The following OFD1 variants were observed in gnomAD, a reference collection of about 807,000 sequenced individuals.
OFD1 encodes the protein OFD1 centriole and centriolar satellite protein.
In OFD1, 12 loss-of-function variants were observed where a neutral mutation model predicts 81.4. That is an observed-to-expected ratio of 0.15 (90% CI 0.09 to 0.24). OFD1 has a LOEUF of 0.24. Among genes scored for constraint, OFD1 ranks in the 10% least tolerant of loss-of-function variants. The pLI is 1.00. For synonymous variants in OFD1, 256 were observed against 263.7 expected (o/e 0.97, Z 0.28); for missense variants, 685 against 733.9 (o/e 0.93, Z 0.77).
In OFD1 at chrX:13,768,557, C is replaced by T. The variant is rs771496877; in HGVS notation, c.2929-161C>T. Among the ~76,000 whole-genome samples, 4 of 111,196 alleles carry T rather than the reference C, an allele frequency of 3.6e-5. No homozygotes were observed. The South Asian group carries it at 1.5e-3, about 42-fold the overall frequency. On this transcript the variant is annotated intron_variant, in intron 21 of 22. Transcript: ENST00000340096. ...AGTATTATGGGTGTTAAATGCATAC[C>T]CTATAGTTTATTTTGATGTGCTTGC...
At chrX:13,738,322 A>G (rs1346546511) in intron 3 of OFD1, among the ~76,000 whole-genome samples, 1 of 113,026 alleles carries the variant, frequency 8.8e-6, no homozygotes, top group Non-Finnish European at 1.9e-5. Flanking sequence ...AAGGAAAACC[A>G]ATTGAAAACA....
At chrX:13,745,903 G>A (rs925315010) in intron 6 of OFD1, among the ~76,000 whole-genome samples, 13 of 112,217 alleles carry the variant, frequency 1.2e-4, no homozygotes, top group African/African-American at 4.2e-4. Flanking sequence ...TAAAGTTATT[G>A]TTTTGAATAT....
chrX:13,745,620 T>C (rs773491426), intron 6 of OFD1, among the ~76,000 whole-genome samples: 9 of 112,088 alleles, frequency 8.0e-5, no homozygotes, highest in Non-Finnish European at 1.7e-4. Flanking sequence ...TATCGATGTT[T>C]TAATCTACTT....
intron 6 of OFD1, among the ~76,000 whole-genome samples, 174 bp downstream of exon 6, chrX:13,744,693 TGTCATTCCCTAGCCTCATGAATGCCAGGG>T (rs2047227366): frequency 8.9e-6 from 1 of 112,070 alleles, no homozygotes; most frequent in African/African-American, 3.2e-5. Flanking sequence ...TGCTCTCCAG[TGTCATTCCCTAGCCTCATGAATGCCAGGG>T]CTACACTGGC....
At chrX:13,716,180 A>G in the OFD1 span, 2 of 962,730 alleles carry the variant, frequency 2.1e-6, no homozygotes, top group East Asian at 3.4e-5. Context: ...AGTCACATGC[A>G]GTGTATTTGT....
At position 13,760,262 on chromosome X, in the gene OFD1, C is replaced by T; in HGVS notation, c.1802C>T (p.Ala601Val). 1 of 1,211,630 alleles carries T rather than the reference C, an allele frequency of 8.3e-7. No individual in the cohort carries two copies. Among genetic ancestry groups the T allele is most frequent in the Non-Finnish European group, 1.1e-6 (1 of 895,409 alleles). Residue 601 changes from alanine to valine, a missense_variant, in exon 16 of 23, where the codon GCA becomes GTA. This residue lies in a region of OFD1 where 414 missense variants were observed against 447.2 expected (regional missense o/e 0.93). Coordinates refer to ENST00000340096, the MANE Select transcript of OFD1 (RefSeq NM_003611.3). Reference sequence around the variant, plus strand: ...CCTTTTAAACAGGAAAACGTTCTAGCACGTATGGTTGCATCAAGGATCACA... The same window carrying T: ...CCTTTTAAACAGGAAAACGTTCTAGTACGTATGGTTGCATCAAGGATCACA... ...NNPFKQENVL[A>V]RMVASRITNY...
At chrX:13,751,453 C>G in intron 10 of OFD1, 85 bp downstream of exon 10, 1 of 741,000 alleles carries the variant, frequency 1.3e-6, no homozygotes, top group Non-Finnish European at 2.0e-6. Flanking sequence ...TAGTCTGTAA[C>G]TTAGGCAAAC....
the OFD1 span, among the ~76,000 whole-genome samples, chrX:13,724,512 C>T: frequency 6.7e-3 from 744 of 111,317 alleles, 4 homozygotes; most frequent in African/African-American, 0.023. Context: ...TGGATGCTGA[C>T]CTGTTTAACT....
intron 11 of OFD1, among the ~76,000 whole-genome samples, chrX:13,753,958 T>G (rs1223524066): frequency 1.8e-5 from 2 of 112,077 alleles, no homozygotes; most frequent in Non-Finnish European, 3.8e-5. Context: ...AATTTTTCAA[T>G]CTTCAGATGT....
intron 5 of OFD1, among the ~76,000 whole-genome samples, chrX:13,742,109 A>G (rs1478129876): frequency 1.8e-5 from 2 of 112,442 alleles, no homozygotes; most frequent in Non-Finnish European, 3.8e-5. Flanking sequence ...TCTTATCTGC[A>G]ATTGGCAAAA....
Position 13,744,152 on chromosome X carries a change from G to A in OFD1, c.413-263G>A, listed in dbSNP as rs148137087. 4.0e-3 allele frequency among the ~76,000 whole-genome samples: 449 copies of A among 111,054 alleles called. 3 individuals are homozygous for A. Among genetic ancestry groups the A allele is most frequent in the African/African-American group, 0.014 (422 of 30,524 alleles). On this transcript the variant is annotated intron_variant, in intron 5 of 22. Transcript: ENST00000340096. ...AAAAGTAAAATTAGCTGGGCGTGGT[G>A]GGTGGTGGTGTGCACCTCTAGTCCC...
Position 13,760,173 on chromosome X carries a change from T to C in OFD1, c.1713T>C (p.Asn571=). The C allele has an allele frequency of 8.3e-7, 1 of 1,211,726 alleles. No individual in the cohort carries two copies. The highest frequency in any genetic ancestry group is 1.8e-5 in the South Asian group (1 of 57,026). The change falls in exon 16 of 23, where the codon AAT becomes AAC. Residue 571 remains asparagine (N), a synonymous_variant. Coordinates refer to ENST00000340096, the MANE Select transcript of OFD1 (RefSeq NM_003611.3). ...AGTCTGTGATCGATCGTTCTGTCAA[T>C]GGATTAATAAATGGCAATGTGGTGC... The part of the protein sequence containing the change: ...PKQSVIDRSV[N]GLINGNVVPC...
rs2047490934 is a variant in OFD1, at chrX:13,751,292, G to A, written c.979G>A (p.Ala327Thr). The A allele has an allele frequency of 2.8e-5, 34 of 1,202,791 alleles. No individual in the cohort carries two copies. The highest frequency in any genetic ancestry group is 3.7e-5 in the Non-Finnish European group (33 of 887,886). ...QEEKHKSITEALRRQEQNIKS... is the reference protein window; with the variant it reads ...QEEKHKSITETLRRQEQNIKS... ...AGAAAAACATAAAAGCATAACTGAG[G>A]CACTTAGGAGACAGGAGCAGAATAT... Residue 327 changes from alanine (A) to threonine (T), a missense_variant, in exon 10 of 23, where the codon GCA becomes ACA. By Grantham distance (58) the Ala-to-Thr change is moderately conservative. Around this residue, in one of 3 missense-constraint regions of OFD1, gnomAD observed 414 missense variants for 447.2 expected, o/e 0.93. Coordinates refer to ENST00000340096, the MANE Select transcript of OFD1 (RefSeq NM_003611.3).
Position 13,735,001 on chromosome X carries a change from G to T in OFD1, c.-71G>T, listed in dbSNP as rs1477884447. On this transcript the variant is annotated 5_prime_UTR_variant, in exon 1 of 23. Transcript: ENST00000340096. Reference sequence around the variant, plus strand: ...GATTCCCCCTCGTCTTGGCCCCACCGCCCGGGCTGGGCACTAAACTCGGGC... The same window carrying T: ...GATTCCCCCTCGTCTTGGCCCCACCTCCCGGGCTGGGCACTAAACTCGGGC... 26 of 1,164,756 alleles carry T rather than the reference G, an allele frequency of 2.2e-5. No homozygotes were observed. Among genetic ancestry groups the T allele is most frequent in the Non-Finnish European group, 2.7e-5 (24 of 876,102 alleles).
chrX:13,768,245 G>T, intron 21 of OFD1, 21 bp downstream of exon 21: 1 of 1,138,024 alleles, frequency 8.8e-7, no homozygotes, highest in African/African-American at 1.8e-5. Context: ...CATGGGCAGG[G>T]CAATCTGTGG....
intron 5 of OFD1, 38 bp from the exon 6 acceptor site, chrX:13,744,377 A>G (rs183988173): frequency 6.7e-5 from 52 of 776,454 alleles, no homozygotes; most frequent in South Asian, 2.1e-4. Flanking sequence ...GCAGTGGTTG[A>G]AAGTTCTGAA....
the OFD1 span, among the ~76,000 whole-genome samples, chrX:13,723,945 C>G: frequency 9.0e-5 from 10 of 111,570 alleles, no homozygotes; most frequent in East Asian, 2.8e-3. Context: ...GACCCAATGT[C>G]ATGACAAGGG....
chrX:13,743,869 AGT>A (rs1212564488), intron 5 of OFD1, among the ~76,000 whole-genome samples: 1 of 109,851 alleles, frequency 9.1e-6, no homozygotes, highest in Non-Finnish European at 1.9e-5. Context: ...TATTTTTCCC[AGT>A]GTGTTATTTT....
At chrX:13,732,112 A>G (rs1187046215), upstream of OFD1, among the ~76,000 whole-genome samples, 1 of 112,252 alleles carries the variant, frequency 8.9e-6, no homozygotes, top group Non-Finnish European at 1.9e-5. Flanking sequence ...AAGCTAATCA[A>G]TTCTAGGTGG....
Sources: gnomAD v4.1 joint callset for allele counts (sites outside exome capture counted in the v4.1 genomes callset) on GRCh38, gnomAD v4.1.1 for gene constraint, gnomAD v4.1.1 regional missense constraint, MANE v1.5 for transcripts, NCBI Gene and HGNC (gene_info 2026-07-23, HGNC 2026-07-21) for gene names.